Variants in FBXL17 observed in about 807,000 individuals in gnomAD.
FBXL17 encodes F-box/LRR-repeat protein 17.
A neutral mutation model predicts 66.2 loss-of-function variants in FBXL17; 22 were observed. That is an observed-to-expected ratio of 0.33 (90% CI 0.24 to 0.47). The LOEUF is 0.47. Ranked by LOEUF, FBXL17 falls within the 20% of genes least tolerant of loss-of-function variation. FBXL17 has a pLI of 1.00. For synonymous variants in FBXL17, 474 were observed against 400.5 expected (o/e 1.18, Z -2.19); for missense variants, 878 against 948.2 (o/e 0.93, Z 0.97).
intron 6 of FBXL17, among the ~76,000 whole-genome samples, chr5:108,087,571 AG>A (rs1188384024): frequency 2.6e-5 from 4 of 152,148 alleles, no homozygotes; most frequent in African/African-American, 9.6e-5. Context: ...TCTTCTATGG[AG>A]GTTGACGCCT....
intron 6 of FBXL17, among the ~76,000 whole-genome samples, chr5:108,084,630 T>A (rs1748904718): frequency 6.6e-6 from 1 of 152,220 alleles, no homozygotes; most frequent in African/African-American, 2.4e-5. Flanking sequence ...AGAACTCTCC[T>A]TTTTTATCTC....
chr5:108,090,891 T>C (rs1749163053), intron 6 of FBXL17, among the ~76,000 whole-genome samples: 1 of 150,820 alleles, frequency 6.6e-6, no homozygotes, highest in African/African-American at 2.5e-5. Flanking sequence ...TTCAAATGCC[T>C]GGTTGTATTT....
At chr5:108,313,175 C>T (rs540188606) in intron 4 of FBXL17, among the ~76,000 whole-genome samples, 6 of 152,062 alleles carry the variant, frequency 3.9e-5, no homozygotes, top group South Asian at 2.1e-4. Flanking sequence ...TCATCTAATA[C>T]AGGTTTCTAC....
chr5:107,952,965 C>A (rs1751544542), intron 7 of FBXL17, among the ~76,000 whole-genome samples: 1 of 152,158 alleles, frequency 6.6e-6, no homozygotes, highest in South Asian at 2.1e-4. Context: ...ATTACTCCCA[C>A]CAAATATTCC....
In FBXL17 at chr5:108,067,705, A is replaced by G. The variant is rs566381426; in HGVS notation, c.1746-46704T>C. Among the ~76,000 whole-genome samples, 12 of 152,330 alleles carry G rather than the reference A, an allele frequency of 7.9e-5. No homozygotes were observed. In the South Asian group the frequency reaches 1.0e-3, roughly 13 times the overall value. On this transcript the variant is annotated intron_variant, in intron 6 of 8. Transcript: ENST00000542267. ...ATTTCTTAAGGGGTGGAGGGCAAGT[A>G]TAAAAGTGAAAGGCCCAATAAACTT...
chr5:108,080,354 G>A (rs1048413318), intron 6 of FBXL17, among the ~76,000 whole-genome samples: 36 of 152,058 alleles, frequency 2.4e-4, no homozygotes, highest in African/African-American at 6.8e-4. Context: ...TTGCCATCAC[G>A]GAAACAATTC....
chr5:108,115,250 G>A (rs1430465821), intron 6 of FBXL17, among the ~76,000 whole-genome samples: 2 of 152,126 alleles, frequency 1.3e-5, no homozygotes, highest in Non-Finnish European at 2.9e-5. Context: ...AGGAAAAAAA[G>A]AGAAACAGGA....
At chr5:107,911,936 A>T (rs1176827298) in intron 7 of FBXL17, among the ~76,000 whole-genome samples, 1 of 152,156 alleles carries the variant, frequency 6.6e-6, no homozygotes, top group Admixed American at 6.6e-5. Flanking sequence ...TTCACTAGTA[A>T]TAAGGGAAAT....
intron 7 of FBXL17, among the ~76,000 whole-genome samples, chr5:107,994,432 CTCT>C (rs1337033930): frequency 6.6e-6 from 1 of 152,028 alleles, no homozygotes; most frequent in Non-Finnish European, 1.5e-5. Flanking sequence ...ATCAGTCTCC[CTCT>C]TCTTTGAGGC....
chr5:107,907,527 AT>A (rs1194173864), intron 7 of FBXL17, among the ~76,000 whole-genome samples: 1 of 152,202 alleles, frequency 6.6e-6, no homozygotes, highest in East Asian at 1.9e-4. Context: ...ATGGGAGAAA[AT>A]TTTTGCAACC....
At chr5:108,263,829 G>T (rs556741284) in intron 4 of FBXL17, among the ~76,000 whole-genome samples, 139 of 152,218 alleles carry the variant, frequency 9.1e-4, no homozygotes, top group African/African-American at 3.3e-3. Context: ...CCCATGATAT[G>T]GGAGAAAGAG....
chr5:108,319,658 C>T (rs913338086), intron 4 of FBXL17, among the ~76,000 whole-genome samples: 3 of 151,264 alleles, frequency 2.0e-5, no homozygotes, highest in African/African-American at 7.3e-5. Flanking sequence ...GAACAAAAAT[C>T]TAAAAGTTAT....
intron 4 of FBXL17, among the ~76,000 whole-genome samples, chr5:108,262,115 C>G (rs1187752070): frequency 6.9e-6 from 1 of 145,288 alleles, no homozygotes; most frequent in Non-Finnish European, 1.5e-5. Context: ...CTCGCTCTGT[C>G]GCCCAGGCTG....
chr5:107,979,152 T>G (rs1051170926), intron 7 of FBXL17, among the ~76,000 whole-genome samples: 1 of 152,192 alleles, frequency 6.6e-6, no homozygotes, highest in African/African-American at 2.4e-5. Flanking sequence ...GTCAATAAAC[T>G]TAATAGCTCA....
In FBXL17 at chr5:108,232,940, A is replaced by T. The variant is rs1755432123; in HGVS notation, c.1507-8712T>A. 2.0e-5 allele frequency among the ~76,000 whole-genome samples: 3 copies of T among 151,210 alleles called. No homozygotes were observed. In the South Asian group the frequency reaches 6.3e-4, roughly 32 times the overall value. On this transcript the variant is annotated intron_variant, in intron 4 of 8. Transcript: ENST00000542267. ...CTATTCACCAGTTGATAAATACTTG[A>T]ACTGTTTCCAATTTGGGGCTTTGAC...
intron 7 of FBXL17, among the ~76,000 whole-genome samples, chr5:107,914,964 A>C (rs907639138): frequency 6.6e-6 from 1 of 152,202 alleles, no homozygotes; most frequent in Non-Finnish European, 1.5e-5. Flanking sequence ...CAACCAAAAG[A>C]TTCCTGAAAA....
chr5:108,080,092 TC>T (rs1265789518), intron 6 of FBXL17, among the ~76,000 whole-genome samples: 1 of 152,196 alleles, frequency 6.6e-6, no homozygotes, highest in Non-Finnish European at 1.5e-5. Context: ...ATTCAGTGTA[TC>T]CCTGTGACAC....
chr5:107,989,737 G>A (rs993204164), intron 7 of FBXL17, among the ~76,000 whole-genome samples: 8 of 151,914 alleles, frequency 5.3e-5, no homozygotes, highest in African/African-American at 1.9e-4. Flanking sequence ...TAGTTGCTGT[G>A]CTAATTTACA....
intron 6 of FBXL17, among the ~76,000 whole-genome samples, chr5:108,125,865 A>G (rs1750677156): frequency 6.6e-6 from 1 of 152,160 alleles, no homozygotes; most frequent in Non-Finnish European, 1.5e-5. Flanking sequence ...AAAGAACCAG[A>G]AAATCTATTT....
Sources: allele counts gnomAD v4.1 joint callset (sites outside exome capture counted in the v4.1 genomes callset), GRCh38; gene constraint gnomAD v4.1.1; transcripts MANE v1.5; gene names NCBI Gene and HGNC (gene_info 2026-07-23, HGNC 2026-07-21).